SHTN1: variants seen among roughly 807,000 people sequenced by gnomAD.
SHTN1 encodes the protein shootin 1.
In SHTN1, 42 loss-of-function variants were observed where a neutral mutation model predicts 83.1. The observed-to-expected ratio is 0.51, with a 90% CI of 0.39 to 0.65. SHTN1 has a LOEUF of 0.65. Among genes scored for constraint, SHTN1 ranks in the 30% least tolerant of loss-of-function variants. The pLI is 0.00. For synonymous variants in SHTN1, 224 were observed against 247.7 expected (o/e 0.90, Z 0.90); for missense variants, 622 against 737.8 (o/e 0.84, Z 1.82).
chr10:117,065,893 AGGGAG>A (rs1486703425), intron 1 of SHTN1, among the ~76,000 whole-genome samples: 1 of 15,260 alleles, frequency 6.6e-5, no homozygotes, highest in African/African-American at 2.7e-4. Context: ...GGGGAGGGGA[AGGGAG>A]GGGAGGGGAG....
chr10:117,061,343 T>G lies in SHTN1; in HGVS notation c.-188-12833A>C, dbSNP rs187596011. On this transcript the variant is annotated intron_variant, in intron 1 of 17. Transcript: ENST00000392901. ...TCCCGAGTAGCTGGGATTACAGGTT[T>G]GCACTACCATGCCCAGCTAATTTTT... Among the ~76,000 whole-genome samples the G allele has an allele frequency of 3.3e-5, 5 of 152,066 alleles. No individual in the cohort carries two copies. In the South Asian group the frequency reaches 1.0e-3, roughly 32 times the overall value.
At position 116,911,846 on chromosome 10, in the gene SHTN1, A is replaced by G. The variant is rs771524290; in HGVS notation, c.1306-3T>C. 45 of 1,607,082 alleles carry G rather than the reference A, an allele frequency of 2.8e-5. No individual in the cohort carries two copies. Among genetic ancestry groups the G allele is most frequent in the Admixed American group, 5.0e-5 (3 of 59,934 alleles). ...TCGCAGCCTTTCGAAGATTCTGGCTATAATTTTAATAAGAAAGAAAAATCA... is the reference window on the plus strand; with the variant it reads ...TCGCAGCCTTTCGAAGATTCTGGCTGTAATTTTAATAAGAAAGAAAAATCA... On this transcript the variant is annotated splice_region_variant and splice_polypyrimidine_tract_variant and intron_variant, in intron 13 of 16. Coordinates refer to ENST00000355371, the MANE Select transcript of SHTN1 (RefSeq NM_001127211.3).
rs778701683 is a variant in SHTN1, at chr10:117,005,086, G to A, written c.-7C>T. The A allele has an allele frequency of 1.1e-5, 17 of 1,590,532 alleles. No individual in the cohort carries two copies. The African/African-American group carries it at 1.7e-4, about 16-fold the overall frequency. ...CTTCGTCCGAGCTGTTCATTTTGGC[G>A]GGTGGGGCCGGGAATAAAAGGGAAA... is the stretch of plus-strand genomic sequence containing the variant. On this transcript the variant is annotated 5_prime_UTR_variant, in exon 1 of 17. Coordinates refer to ENST00000355371, the MANE Select transcript of SHTN1 (RefSeq NM_001127211.3).
At chr10:117,105,706 TC>T (rs1383937447) in intron 1 of SHTN1, among the ~76,000 whole-genome samples, 1 of 152,166 alleles carries the variant, frequency 6.6e-6, no homozygotes, top group Non-Finnish European at 1.5e-5. Flanking sequence ...GACATTATCC[TC>T]CCAAAATAAT....
intron 3 of SHTN1, among the ~76,000 whole-genome samples, chr10:116,963,278 T>C (rs919097822): frequency 4.6e-5 from 7 of 151,192 alleles, no homozygotes; most frequent in African/African-American, 1.7e-4. Context: ...TTCACCGTGT[T>C]AGCCAGGATG....
At chr10:117,004,363 G>A (rs1851933268) in intron 1 of SHTN1, among the ~76,000 whole-genome samples, 1 of 152,160 alleles carries the variant, frequency 6.6e-6, no homozygotes, top group Non-Finnish European at 1.5e-5. Flanking sequence ...ATAATCCCCA[G>A]TTACCAAGCA....
chr10:117,104,923 A>G (rs1023286475), intron 1 of SHTN1, among the ~76,000 whole-genome samples: 1 of 151,848 alleles, frequency 6.6e-6, no homozygotes, highest in African/African-American at 2.4e-5. Flanking sequence ...AATTCCACCC[A>G]GGCTAGTCTC....
Position 116,979,272 on chromosome 10 carries a change from T to C in SHTN1, c.95A>G (p.Gln32Arg). Residue 32 changes from glutamine (Q) to arginine (R), a missense_variant, in exon 2 of 17, where the codon CAG becomes CGG. By Grantham distance (43) the Gln-to-Arg change is conservative. Transcript: ENST00000355371. ...AGTACAAACCTTCTCCTTTGTTTTC[T>C]GGTTCTCTGCTCTAAGGTCTTCATA... ...GEYEDLRAEN[Q>R]KTKEKCDKIR... is the part of the protein sequence containing the mutation. The C allele has an allele frequency of 1.2e-6, 2 of 1,613,960 alleles. No individual in the cohort carries two copies. The highest frequency in any genetic ancestry group is 1.3e-5 in the African/African-American group (1 of 75,054).
intron 2 of SHTN1, among the ~76,000 whole-genome samples, chr10:117,042,293 C>G (rs1039969682): frequency 6.6e-6 from 1 of 152,132 alleles, no homozygotes; most frequent in Non-Finnish European, 1.5e-5. Flanking sequence ...CCTTCATAAT[C>G]TGCTCCAACT....
chr10:116,974,941 C>A (rs116639936), intron 2 of SHTN1, among the ~76,000 whole-genome samples: 1,745 of 152,220 alleles, frequency 0.011, 23 homozygotes, highest in African/African-American at 0.039. Context: ...GATTGCTACA[C>A]AAGCAAAGTA....
At chr10:116,934,182 T>C (rs1392865145) in intron 9 of SHTN1, among the ~76,000 whole-genome samples, 5 of 152,236 alleles carry the variant, frequency 3.3e-5, no homozygotes, top group Non-Finnish European at 7.3e-5. Context: ...ATCCCATTTG[T>C]CAATTTTGGC....
At chr10:116,941,003 G>A (rs1260670765) in intron 8 of SHTN1, among the ~76,000 whole-genome samples, 5 of 152,080 alleles carry the variant, frequency 3.3e-5, no homozygotes, top group African/African-American at 1.2e-4. Context: ...CTATGAATAG[G>A]TAACATTTAC....
intron 4 of SHTN1, among the ~76,000 whole-genome samples, chr10:116,956,894 G>A (rs970054932): frequency 2.0e-5 from 3 of 152,100 alleles, no homozygotes; most frequent in Non-Finnish European, 2.9e-5. Context: ...AGAAATGTAA[G>A]ATTTATATAT....
At chr10:117,084,744 C>T (rs1326675394) in intron 1 of SHTN1, among the ~76,000 whole-genome samples, 3 of 152,104 alleles carry the variant, frequency 2.0e-5, no homozygotes, top group African/African-American at 4.8e-5. Context: ...CGTGGTGCGC[C>T]GTTTTTTAAG....
chr10:117,112,206 T>C (rs920233627), intron 1 of SHTN1, among the ~76,000 whole-genome samples: 6 of 152,080 alleles, frequency 3.9e-5, no homozygotes, highest in Non-Finnish European at 8.8e-5. Context: ...GCTCAAGAGA[T>C]CCGCCCGCCT....
chr10:116,945,024 G>A lies in SHTN1; in HGVS notation c.617-6C>T, dbSNP rs546755594. 2 of 1,494,074 alleles carry A rather than the reference G, an allele frequency of 1.3e-6. No homozygotes were observed. Among genetic ancestry groups the A allele is most frequent in the Non-Finnish European group, 1.8e-6 (2 of 1,090,798 alleles). 92.6% of individuals were successfully genotyped at this position (1,494,074 alleles called of 1,614,324 possible). On this transcript the variant is annotated splice_polypyrimidine_tract_variant and splice_region_variant and intron_variant, in intron 7 of 16. Coordinates refer to ENST00000355371, the MANE Select transcript of SHTN1 (RefSeq NM_001127211.3). ...TTCTACAGCTAACATGGACACTTAAGAAGATAAAGGAAAAAAAAAACCCAG... is the reference window on the plus strand; with the variant it reads ...TTCTACAGCTAACATGGACACTTAAAAAGATAAAGGAAAAAAAAAACCCAG...
At chr10:116,921,561 A>G in intron 11 of SHTN1, 45 bp from the exon 12 acceptor site, 1 of 1,422,666 alleles carries the variant, frequency 7.0e-7, no homozygotes, top group Non-Finnish European at 9.9e-7. Context: ...CTGGATGCCT[A>G]GATCCTAAAT....
At chr10:117,006,541 G>C (rs921354071), upstream of SHTN1, among the ~76,000 whole-genome samples, 1 of 144,438 alleles carries the variant, frequency 6.9e-6, no homozygotes, top group African/African-American at 2.5e-5. Flanking sequence ...ACTCCAGCCT[G>C]GGTGACAGAG....
intron 8 of SHTN1, among the ~76,000 whole-genome samples, chr10:116,941,022 A>G (rs1849351255): frequency 6.6e-6 from 1 of 152,184 alleles, no homozygotes; most frequent in Non-Finnish European, 1.5e-5. Flanking sequence ...ACTAAACACT[A>G]TGTGATAGAT....
Sources: allele counts gnomAD v4.1 joint callset (sites outside exome capture counted in the v4.1 genomes callset), GRCh38; gene constraint gnomAD v4.1.1; transcripts MANE v1.5; gene names NCBI Gene and HGNC (gene_info 2026-07-23, HGNC 2026-07-21).